DISC1: variants seen among roughly 807,000 people sequenced by gnomAD.
DISC1 encodes DISC1 scaffold protein.
Under a neutral mutation model 84.5 loss-of-function variants are expected in DISC1, and 57 were observed. The ratio of observed to expected loss-of-function variants is 0.67; its 90% confidence interval spans 0.55 to 0.84. The LOEUF (loss-of-function observed/expected upper bound fraction) is 0.84, where lower values mean the gene tolerates loss of function less well. Among genes scored for constraint, DISC1 ranks in the 40% least tolerant of loss-of-function variants. The pLI is 0.00. For synonymous variants in DISC1, 411 were observed against 415.2 expected (o/e 0.99, Z 0.12); for missense variants, 1,000 against 1,057.8 (o/e 0.95, Z 0.76).
intron 1 of DISC1, among the ~76,000 whole-genome samples, chr1:231,654,525 A>G (rs902966464): frequency 6.6e-6 from 1 of 152,140 alleles, no homozygotes; most frequent in African/African-American, 2.4e-5. Context: ...CATTATTATT[A>G]ACTATAGTCA....
chr1:231,631,382 T>C (rs2058695170), intron 1 of DISC1, among the ~76,000 whole-genome samples: 1 of 152,218 alleles, frequency 6.6e-6, no homozygotes, highest in African/African-American at 2.4e-5. Flanking sequence ...TGTGTACTTC[T>C]ACTTAGTAAA....
chr1:231,845,608 G>A (rs201593348), intron 9 of DISC1, among the ~76,000 whole-genome samples: 3 of 152,170 alleles, frequency 2.0e-5, no homozygotes, highest in South Asian at 4.2e-4. Flanking sequence ...TGGCAACAGC[G>A]AGCACGCCAG....
chr1:231,959,269 A>G (rs757329295), intron 10 of DISC1: 11 of 989,534 alleles, frequency 1.1e-5, no homozygotes, highest in Non-Finnish European at 1.3e-5. Context: ...GGTTTGGAAT[A>G]ATATAGAAAT....
At chr1:231,721,471 CA>C (rs2069690932) in intron 3 of DISC1, among the ~76,000 whole-genome samples, 2 of 152,146 alleles carry the variant, frequency 1.3e-5, no homozygotes, top group East Asian at 3.8e-4. Context: ...TTTATGAAAT[CA>C]GATATATCAA....
At chr1:231,735,413 G>A (rs565389501) in intron 3 of DISC1, among the ~76,000 whole-genome samples, 18 of 152,236 alleles carry the variant, frequency 1.2e-4, no homozygotes, top group African/African-American at 4.3e-4. Context: ...ACTTCCTATG[G>A]GAAAGAGGTG....
chr1:232,018,181 C>T (rs1394676688), intron 11 of DISC1, among the ~76,000 whole-genome samples: 1 of 152,208 alleles, frequency 6.6e-6, no homozygotes, highest in African/African-American at 2.4e-5. Context: ...ATGATTTCCT[C>T]ATCACTCTAG....
At chr1:231,931,690 C>T (rs1436746939) in intron 9 of DISC1, among the ~76,000 whole-genome samples, 1 of 150,558 alleles carries the variant, frequency 6.6e-6, no homozygotes, top group Non-Finnish European at 1.5e-5. Context: ...ACTCTATCAC[C>T]CAGGCTGGAG....
At chr1:231,685,667 G>A (rs2064181281) in intron 1 of DISC1, among the ~76,000 whole-genome samples, 1 of 152,094 alleles carries the variant, frequency 6.6e-6, no homozygotes, top group Non-Finnish European at 1.5e-5. Context: ...TGGCCAGGCT[G>A]GTCTCGAACT....
At chr1:231,640,854 C>G (rs371299242) in intron 1 of DISC1, among the ~76,000 whole-genome samples, 2 of 152,128 alleles carry the variant, frequency 1.3e-5, no homozygotes, top group African/African-American at 4.8e-5. Context: ...GTTTTTGATC[C>G]TTGGTCTGAC....
rs1339240236 is a variant in DISC1, at chr1:232,026,435, G to A, written c.2308G>A (p.Glu770Lys). ...LHCAGGEQKE[E>K]SYILSAELGE... ...GATCTTGTTTTCCCCCTCTCGCCAG[G>A]AATCTTACATCCTTTCTGCAGAACT... Residue 770 changes from glutamate to lysine, a missense_variant and splice_region_variant, in exon 12 of 13, where the codon GAA (glutamate) becomes AAA (lysine). Coordinates refer to ENST00000439617, the MANE Select transcript of DISC1 (RefSeq NM_018662.3). 1.9e-6 allele frequency: 3 copies of A among 1,595,632 alleles called. No individual in the cohort carries two copies. Among genetic ancestry groups the A allele is most frequent in the Non-Finnish European group, 2.6e-6 (3 of 1,169,424 alleles).
chr1:231,674,841 C>T (rs572840494), intron 1 of DISC1, among the ~76,000 whole-genome samples: 7 of 152,318 alleles, frequency 4.6e-5, no homozygotes, highest in African/African-American at 1.7e-4. Flanking sequence ...AACCTTAAAA[C>T]TCACCTAGAA....
chr1:231,857,581 A>T (rs2084357581), intron 9 of DISC1, among the ~76,000 whole-genome samples: 2 of 152,162 alleles, frequency 1.3e-5, no homozygotes, highest in African/African-American at 4.8e-5. Flanking sequence ...CTTGTCAAGT[A>T]TTTTTTGTGA....
intron 9 of DISC1, among the ~76,000 whole-genome samples, chr1:231,886,963 G>A (rs1431224761): frequency 6.6e-6 from 1 of 150,878 alleles, no homozygotes; most frequent in East Asian, 2.0e-4. Flanking sequence ...CCGAGTTCAA[G>A]CGATTCTCCT....
chr1:231,748,931 G>A (rs746595680), intron 3 of DISC1, among the ~76,000 whole-genome samples: 2 of 152,220 alleles, frequency 1.3e-5, no homozygotes, highest in Non-Finnish European at 2.9e-5. Flanking sequence ...ACTGGACTCA[G>A]GGCTTGCAAG....
chr1:231,718,493 A>G (rs541988243), intron 3 of DISC1, among the ~76,000 whole-genome samples: 4 of 147,088 alleles, frequency 2.7e-5, no homozygotes, highest in East Asian at 2.0e-4. Context: ...CTGGAGTGCA[A>G]TGGTGCAATC....
chr1:231,647,698 A>G (rs1300838356), intron 1 of DISC1, among the ~76,000 whole-genome samples: 1 of 152,160 alleles, frequency 6.6e-6, no homozygotes, highest in Admixed American at 6.5e-5. Flanking sequence ...TGAGCATGGA[A>G]TGTTCTTCCA....
intron 9 of DISC1, among the ~76,000 whole-genome samples, chr1:231,937,490 C>G (rs537161739): frequency 1.3e-5 from 2 of 152,200 alleles, no homozygotes; most frequent in African/African-American, 4.8e-5. Flanking sequence ...TTTTATGCAA[C>G]AGGAGGGACA....
intron 9 of DISC1, among the ~76,000 whole-genome samples, chr1:231,838,490 C>A (rs888138368): frequency 6.6e-6 from 1 of 152,166 alleles, no homozygotes; most frequent in Non-Finnish European, 1.5e-5. Flanking sequence ...AAAAAAACCC[C>A]CTCCATGCTT....
intron 1 of DISC1, among the ~76,000 whole-genome samples, chr1:231,650,563 T>C (rs2060528225): frequency 2.0e-5 from 3 of 152,236 alleles, no homozygotes; most frequent in Middle Eastern, 6.8e-3. Flanking sequence ...TCTTGAGGAG[T>C]ATCTTTGTGG....
Sources: gnomAD v4.1 joint callset for allele counts (sites outside exome capture counted in the v4.1 genomes callset) on GRCh38, gnomAD v4.1.1 for gene constraint, MANE v1.5 for transcripts, NCBI Gene and HGNC (gene_info 2026-07-23, HGNC 2026-07-21) for gene names.